HS2ST1: variants seen among roughly 807,000 people sequenced by gnomAD.
HS2ST1 encodes 2-O-sulfotransferase.
In HS2ST1, 18 loss-of-function variants were observed where a neutral mutation model predicts 42.9. The observed-to-expected ratio is 0.42, with a 90% CI of 0.29 to 0.62. The LOEUF (loss-of-function observed/expected upper bound fraction) is 0.62, where lower values mean the gene tolerates loss of function less well. Among genes scored for constraint, HS2ST1 ranks in the 20% least tolerant of loss-of-function variants. The probability of loss-of-function intolerance (pLI) is 0.21; values close to 1 mark genes in which losing one functional copy is unlikely to be tolerated. For missense variants in HS2ST1, 334 were observed against 433.8 expected (o/e 0.77, Z 2.04); for synonymous variants, 146 against 152.9 (o/e 0.95, Z 0.33).
intron 1 of HS2ST1, among the ~76,000 whole-genome samples, chr1:87,048,497 C>T (rs767253034): frequency 6.6e-6 from 1 of 152,134 alleles, no homozygotes; most frequent in South Asian, 2.1e-4. Context: ...TCCAGTCTGT[C>T]TTTCAGTAAA....
chr1:86,923,025 G>T (rs975450063), intron 1 of HS2ST1, among the ~76,000 whole-genome samples: 2 of 151,604 alleles, frequency 1.3e-5, no homozygotes, highest in East Asian at 3.9e-4. Flanking sequence ...CAGTCTTTTT[G>T]TGTGTGTGTG....
chr1:86,923,472 C>T (rs1308905045), intron 1 of HS2ST1, among the ~76,000 whole-genome samples: 1 of 151,680 alleles, frequency 6.6e-6, no homozygotes, highest in Non-Finnish European at 1.5e-5. Flanking sequence ...TCTCGGCTCA[C>T]TGCAAGCTCC....
intron 1 of HS2ST1, among the ~76,000 whole-genome samples, chr1:86,929,159 TAATG>T (rs747865863): frequency 2.0e-5 from 3 of 151,920 alleles, no homozygotes; most frequent in Non-Finnish European, 4.4e-5. Context: ...TCAAATGAGA[TAATG>T]AATGTTTGTA....
At chr1:87,017,961 C>CTG (rs34503404) in intron 1 of HS2ST1, among the ~76,000 whole-genome samples, 137,513 of 152,002 alleles carry the variant, frequency 0.9, 62,466 homozygotes, top group East Asian at 0.99. Context: ...ATTAGGAAAA[C>CTG]AGGTTTAAGG....
intron 1 of HS2ST1, among the ~76,000 whole-genome samples, chr1:87,061,421 G>A (rs529108049): frequency 4.2e-4 from 63 of 151,752 alleles, no homozygotes; most frequent in South Asian, 6.2e-4. Context: ...CCCATTCCCT[G>A]GCAACCACCA....
At chr1:86,969,139 G>A (rs1570454201) in intron 1 of HS2ST1, among the ~76,000 whole-genome samples, 1 of 152,204 alleles carries the variant, frequency 6.6e-6, no homozygotes, top group Non-Finnish European at 1.5e-5. Flanking sequence ...TACCTACAGA[G>A]GTTTTCATTT....
At chr1:87,103,331 C>CAT in intron 5 of HS2ST1, 101 bp from the exon 6 acceptor site, 1 of 1,065,046 alleles carries the variant, frequency 9.4e-7, no homozygotes. Context: ...TTTGGATATA[C>CAT]ATGTGTTTAT....
At chr1:86,972,472 C>A (rs1281206716) in intron 1 of HS2ST1, among the ~76,000 whole-genome samples, 2 of 152,062 alleles carry the variant, frequency 1.3e-5, no homozygotes, top group Non-Finnish European at 2.9e-5. Flanking sequence ...CTGGCTCAGC[C>A]CCAAGTAGCT....
At chr1:87,093,026 T>A (rs1359031777) in intron 4 of HS2ST1, among the ~76,000 whole-genome samples, 1 of 152,092 alleles carries the variant, frequency 6.6e-6, no homozygotes, top group Non-Finnish European at 1.5e-5. Flanking sequence ...TGATCATCAG[T>A]TTAAGGACAC....
intron 1 of HS2ST1, among the ~76,000 whole-genome samples, chr1:86,930,704 C>T (rs1036797889): frequency 1.3e-5 from 2 of 151,952 alleles, no homozygotes; most frequent in Non-Finnish European, 2.9e-5. Flanking sequence ...CCTGAGTTAC[C>T]AGTTTAATTT....
At chr1:87,022,630 G>A (rs916211098) in intron 1 of HS2ST1, among the ~76,000 whole-genome samples, 1 of 151,854 alleles carries the variant, frequency 6.6e-6, no homozygotes, top group Admixed American at 6.6e-5. Flanking sequence ...CCCTAGAAGG[G>A]TTGCACCTTG....
chr1:87,086,309 C>T lies in HS2ST1; in HGVS notation c.449+2030C>T, dbSNP rs368821625. On this transcript the variant is annotated intron_variant, in intron 3 of 6. Coordinates refer to ENST00000370550, the MANE Select transcript of HS2ST1 (RefSeq NM_012262.4). ...GAATTTGAAAGTCACCCCTTGTACA[C>T]GGGTTTCACATCTCTCAAGTACTGT... Among the ~76,000 whole-genome samples, 13 of 152,104 alleles carry T rather than the reference C, an allele frequency of 8.5e-5. No homozygotes were observed. The East Asian group carries it at 1.9e-3, about 23-fold the overall frequency.
At chr1:86,996,570 A>G (rs1427671735) in intron 1 of HS2ST1, among the ~76,000 whole-genome samples, 1 of 152,130 alleles carries the variant, frequency 6.6e-6, no homozygotes, top group Non-Finnish European at 1.5e-5. Context: ...CCCCCAAAGC[A>G]AATGTAAGCC....
At chr1:86,922,691 G>A (rs1380402193) in intron 1 of HS2ST1, among the ~76,000 whole-genome samples, 1 of 152,044 alleles carries the variant, frequency 6.6e-6, no homozygotes, top group Non-Finnish European at 1.5e-5. Flanking sequence ...TGATGAGAAG[G>A]TTGCCATCAT....
intron 2 of HS2ST1, among the ~76,000 whole-genome samples, chr1:87,074,924 T>G (rs1224525908): frequency 1.3e-5 from 2 of 152,128 alleles, no homozygotes; most frequent in African/African-American, 4.8e-5. Flanking sequence ...GATCTCTTGT[T>G]CTATGTAGAC....
intron 1 of HS2ST1, among the ~76,000 whole-genome samples, chr1:86,947,368 TC>T (rs1275477871): frequency 2.0e-5 from 3 of 152,184 alleles, no homozygotes; most frequent in Middle Eastern, 3.2e-3. Context: ...GTTCAGAAAT[TC>T]TTAGTGTGTT....
intron 1 of HS2ST1, among the ~76,000 whole-genome samples, chr1:87,037,652 A>G (rs927333802): frequency 2.0e-5 from 3 of 151,586 alleles, no homozygotes; most frequent in Admixed American, 2.0e-4. Flanking sequence ...TGTATAAAGT[A>G]ACCTATTATA....
intron 3 of HS2ST1, among the ~76,000 whole-genome samples, chr1:87,086,638 C>G (rs908241976): frequency 2.0e-5 from 3 of 151,930 alleles, no homozygotes; most frequent in African/African-American, 7.3e-5. Context: ...TTAGCCCGAC[C>G]ACGAAGAAAT....
intron 1 of HS2ST1, among the ~76,000 whole-genome samples, chr1:87,031,752 T>C (rs1163982847): frequency 1.3e-5 from 2 of 152,214 alleles, no homozygotes; most frequent in African/African-American, 4.8e-5. Flanking sequence ...TAAAATCTGC[T>C]GATCTACAAT....
Sources: allele counts gnomAD v4.1 joint callset (sites outside exome capture counted in the v4.1 genomes callset), GRCh38; gene constraint gnomAD v4.1.1; transcripts MANE v1.5; gene names NCBI Gene and HGNC (gene_info 2026-07-23, HGNC 2026-07-21).